The following SKAP1 variants were observed in gnomAD, a reference collection of about 807,000 sequenced individuals.
SKAP1 encodes the protein src kinase-associated phosphoprotein 1.
In SKAP1, 44 loss-of-function variants were observed where a neutral mutation model predicts 58.5. That is an observed-to-expected ratio of 0.75 (90% CI 0.59 to 0.97). The LOEUF (loss-of-function observed/expected upper bound fraction) is 0.97. Among genes scored for constraint, SKAP1 ranks in the 50% least tolerant of loss-of-function variants. The pLI is 0.00. For synonymous variants in SKAP1, 127 were observed against 149.7 expected, an observed-to-expected ratio of 0.85 and a Z score of 1.11; for missense variants, 390 against 435.2, an observed-to-expected ratio of 0.90 and a Z score of 0.92.
intron 10 of SKAP1, among the ~76,000 whole-genome samples, chr17:48,170,062 A>G (rs534631893): frequency 6.6e-6 from 1 of 152,358 alleles, no homozygotes; most frequent in South Asian, 2.1e-4. Context: ...GTCTGGGATG[A>G]ATAAGATGTA....
chr17:48,199,555 T>C (rs1332736271), intron 4 of SKAP1, among the ~76,000 whole-genome samples: 3 of 152,244 alleles, frequency 2.0e-5, no homozygotes, highest in African/African-American at 7.2e-5. Flanking sequence ...TGTAAAATTA[T>C]ATACTCCCTC....
intron 11 of SKAP1, among the ~76,000 whole-genome samples, chr17:48,148,740 G>C (rs1054662342): frequency 1.3e-5 from 2 of 152,096 alleles, no homozygotes; most frequent in African/African-American, 4.8e-5. Context: ...CAATGGGGAG[G>C]GGGTGTTGGG....
At chr17:48,261,983 A>G (rs990051147) in intron 4 of SKAP1, among the ~76,000 whole-genome samples, 4 of 152,242 alleles carry the variant, frequency 2.6e-5, no homozygotes, top group Non-Finnish European at 5.9e-5. Context: ...CTATGTAAGT[A>G]AAAGAAAGTT....
At chr17:48,245,290 TTTTTTTC>T (rs1277695443) in intron 4 of SKAP1, among the ~76,000 whole-genome samples, 6 of 152,206 alleles carry the variant, frequency 3.9e-5, no homozygotes, top group Non-Finnish European at 7.3e-5. Flanking sequence ...CAATCTGATT[TTTTTTTC>T]TTTTTTCTTT....
intron 4 of SKAP1, among the ~76,000 whole-genome samples, chr17:48,309,961 T>C (rs921350670): frequency 6.6e-6 from 1 of 152,244 alleles, no homozygotes; most frequent in African/African-American, 2.4e-5. Context: ...AATGACAATT[T>C]GGCACCATTT....
At chr17:48,217,640 T>C (rs991753640) in intron 4 of SKAP1, among the ~76,000 whole-genome samples, 7 of 152,038 alleles carry the variant, frequency 4.6e-5, no homozygotes, top group African/African-American at 1.7e-4. Context: ...AGGAAGATAT[T>C]GTCTCTAAAT....
chr17:48,410,042 C>G (rs2067642202), intron 1 of SKAP1, among the ~76,000 whole-genome samples: 1 of 152,144 alleles, frequency 6.6e-6, no homozygotes, highest in African/African-American at 2.4e-5. Flanking sequence ...AGACTACAGG[C>G]AAAAGGAACT....
At chr17:48,440,387 G>T in the SKAP1 span, among the ~76,000 whole-genome samples, 6,728 of 152,244 alleles carry the variant, frequency 0.044, 458 homozygotes, top group African/African-American at 0.15. Context: ...GGATGTAGAA[G>T]GTCACTGAGG....
intron 11 of SKAP1, among the ~76,000 whole-genome samples, chr17:48,150,675 TGGTG>T (rs1186537143): frequency 6.6e-6 from 1 of 152,208 alleles, no homozygotes; most frequent in Non-Finnish European, 1.5e-5. Flanking sequence ...AGGAGATAGA[TGGTG>T]GGTGCGTATA....
chr17:48,222,806 C>T (rs1012408113), intron 4 of SKAP1, among the ~76,000 whole-genome samples: 1 of 151,362 alleles, frequency 6.6e-6, no homozygotes, highest in Non-Finnish European at 1.5e-5. Context: ...TGGCTCACAC[C>T]TGTAATGCCA....
At chr17:48,383,129 C>T (rs1029925248) in intron 2 of SKAP1, among the ~76,000 whole-genome samples, 6 of 152,192 alleles carry the variant, frequency 3.9e-5, no homozygotes, top group Non-Finnish European at 5.9e-5. Flanking sequence ...TATCTGCTTC[C>T]GGTCTATAAT....
At chr17:48,354,842 A>C (rs974392918) in intron 3 of SKAP1, among the ~76,000 whole-genome samples, 1 of 152,190 alleles carries the variant, frequency 6.6e-6, no homozygotes, top group Non-Finnish European at 1.5e-5. Flanking sequence ...TAACCTACTT[A>C]CTCACAAAAA....
At chr17:48,248,438 G>A (rs1337602713) in intron 4 of SKAP1, among the ~76,000 whole-genome samples, 4 of 152,080 alleles carry the variant, frequency 2.6e-5, no homozygotes, top group East Asian at 1.9e-4. Flanking sequence ...ATAGTGGCAT[G>A]TGCCTGTAAT....
intron 4 of SKAP1, among the ~76,000 whole-genome samples, chr17:48,285,490 G>A (rs368652322): frequency 2.0e-5 from 3 of 152,096 alleles, no homozygotes; most frequent in Non-Finnish European, 2.9e-5. Context: ...TGGCGTGTGC[G>A]TGTAATCTCA....
chr17:48,259,720 A>G (rs147344671), intron 4 of SKAP1, among the ~76,000 whole-genome samples: 274 of 152,334 alleles, frequency 1.8e-3, no homozygotes, highest in African/African-American at 6.2e-3. Context: ...TAAAAATCCT[A>G]TAACGTAGGT....
At position 48,361,037 on chromosome 17, in the gene SKAP1, A is replaced by G. The variant is rs375549089; in HGVS notation, c.178+2752T>C. Among the ~76,000 whole-genome samples, 20 of 151,936 alleles carry G rather than the reference A, an allele frequency of 1.3e-4. No homozygotes were observed. The South Asian group carries it at 4.2e-3, about 32-fold the overall frequency. ...TATTGGGGTGATGAAACGTTCTGAA[A>G]TTAGATAGTGGTGATGGTTGCACAA... On this transcript the variant is annotated intron_variant, in intron 3 of 12. Transcript: ENST00000336915.
chr17:48,287,220 T>G (rs1225907263), intron 4 of SKAP1, among the ~76,000 whole-genome samples: 1 of 151,924 alleles, frequency 6.6e-6, no homozygotes, highest in East Asian at 1.9e-4. Flanking sequence ...AACACAGGAG[T>G]GACTCTTACC....
chr17:48,384,421 G>A (rs1598639213), intron 2 of SKAP1, among the ~76,000 whole-genome samples: 1 of 152,114 alleles, frequency 6.6e-6, no homozygotes, highest in Non-Finnish European at 1.5e-5. Flanking sequence ...ACTGACAAGG[G>A]CCTAAACAAG....
At position 48,328,560 on chromosome 17, in the gene SKAP1, CCAAT is replaced by C. The variant is rs111438001; in HGVS notation, c.280+17341_280+17344del. 1.2e-4 allele frequency among the ~76,000 whole-genome samples: 19 copies of C among 152,128 alleles called. 3 individuals are homozygous for C. Among genetic ancestry groups the C allele is most frequent in the African/African-American group, 4.6e-4 (19 of 41,492 alleles). On this transcript the variant is annotated intron_variant, in intron 4 of 12. Coordinates refer to ENST00000336915, the MANE Select transcript of SKAP1 (RefSeq NM_003726.4). ...ATTTAAACAACTTACTCCAAAGCCACCAATCAAAATGTCAAGTAATGATTTACAG... is the reference window on the plus strand; with the variant it reads ...ATTTAAACAACTTACTCCAAAGCCACCAAAATGTCAAGTAATGATTTACAG...
Sources: gnomAD v4.1 joint callset for allele counts (sites outside exome capture counted in the v4.1 genomes callset) on GRCh38, gnomAD v4.1.1 for gene constraint, MANE v1.5 for transcripts, NCBI Gene and HGNC (gene_info 2026-07-23, HGNC 2026-07-21) for gene names.